Variants in ARL8B observed in about 807,000 individuals in gnomAD.
ARL8B encodes ADP-ribosylation factor-like protein 8B.
A neutral mutation model predicts 30.6 loss-of-function variants in ARL8B; 9 were observed. That is an observed-to-expected ratio of 0.29 (90% CI 0.18 to 0.51). The LOEUF is 0.51. Ranked by LOEUF, ARL8B falls within the 20% of genes least tolerant of loss-of-function variation. ARL8B has a pLI of 0.97. For missense variants in ARL8B, 130 were observed against 227.2 expected, an observed-to-expected ratio of 0.57 and a Z score of 2.75; for synonymous variants, 74 against 76.0, an observed-to-expected ratio of 0.97 and a Z score of 0.14.
At chr3:5,146,256 A>G (rs749846609) in intron 1 of ARL8B, among the ~76,000 whole-genome samples, 13 of 152,172 alleles carry the variant, frequency 8.5e-5, no homozygotes, top group Non-Finnish European at 1.8e-4. Context: ...TGAACCACTT[A>G]TGTTCATAGG....
intron 1 of ARL8B, among the ~76,000 whole-genome samples, chr3:5,163,559 A>T (rs575060591): frequency 6.6e-6 from 1 of 152,200 alleles, no homozygotes; most frequent in African/African-American, 2.4e-5. Flanking sequence ...GATTATGAAC[A>T]TATTTTCTAG....
At chr3:5,167,358 A>C (rs79259954) in intron 1 of ARL8B, among the ~76,000 whole-genome samples, 2,141 of 152,286 alleles carry the variant, frequency 0.014, 54 homozygotes, top group African/African-American at 0.049. Flanking sequence ...CAACCTCTGA[A>C]ATAATAATGA....
chr3:5,130,980 T>G (rs1196034904), intron 1 of ARL8B, among the ~76,000 whole-genome samples: 1 of 152,006 alleles, frequency 6.6e-6, no homozygotes, highest in Non-Finnish European at 1.5e-5. Context: ...CACTCTGTCA[T>G]CCATGCTGGG....
intron 1 of ARL8B, among the ~76,000 whole-genome samples, chr3:5,132,187 A>G (rs956935586): frequency 6.6e-6 from 1 of 152,066 alleles, no homozygotes; most frequent in Admixed American, 6.5e-5. Flanking sequence ...ACTGTGCCTA[A>G]GTCCTCCCAT....
At chr3:5,153,316 GC>G (rs1467524566) in intron 1 of ARL8B, among the ~76,000 whole-genome samples, 2 of 152,132 alleles carry the variant, frequency 1.3e-5, no homozygotes, top group Non-Finnish European at 2.9e-5. Context: ...AAATTATGGG[GC>G]AGATCTTTCC....
intron 1 of ARL8B, among the ~76,000 whole-genome samples, chr3:5,140,453 C>CT (rs2054363409): frequency 6.6e-6 from 1 of 152,110 alleles, no homozygotes; most frequent in African/African-American, 2.4e-5. Context: ...GAGGCCTCCC[C>CT]AGCCATGTGG....
chr3:5,139,351 A>AGTC (rs2054352995), intron 1 of ARL8B, among the ~76,000 whole-genome samples: 1 of 152,182 alleles, frequency 6.6e-6, no homozygotes, highest in Non-Finnish European at 1.5e-5. Flanking sequence ...CTTTAAAGAT[A>AGTC]GTCTTTAATG....
At chr3:5,127,872 CAAA>C (rs748657502) in intron 1 of ARL8B, among the ~76,000 whole-genome samples, 197 of 10,432 alleles carry the variant, frequency 0.019, no homozygotes, top group Non-Finnish European at 0.026. Flanking sequence ...GACTCCGTCT[CAAA>C]AAAAAAAAAA....
chr3:5,143,523 T>C (rs1441356476), intron 1 of ARL8B, among the ~76,000 whole-genome samples: 2 of 152,228 alleles, frequency 1.3e-5, no homozygotes, highest in Admixed American at 6.5e-5. Flanking sequence ...AGGTGATCCA[T>C]GCACTTTCCA....
chr3:5,176,625 T>C (rs556868520), intron 6 of ARL8B, among the ~76,000 whole-genome samples: 2 of 152,362 alleles, frequency 1.3e-5, no homozygotes, highest in Admixed American at 6.5e-5. Context: ...TCAGCCTTAG[T>C]AACAGCGGAT....
In ARL8B at chr3:5,155,285, ATTAT is replaced by A. The variant is rs1027277306; in HGVS notation, c.124-15213_124-15210del. The stretch of plus-strand genomic sequence containing the variant: ...TCTGATAAATCTGCTGCTACTATTG[ATTAT>A]TTATATTTGATGAGTTGCCTCTTGC... On this transcript the variant is annotated intron_variant, in intron 1 of 6. Coordinates refer to ENST00000256496, the MANE Select transcript of ARL8B (RefSeq NM_018184.3). Among the ~76,000 whole-genome samples the A allele has an allele frequency of 6.2e-4, 94 of 152,172 alleles. 1 individual carries two copies. The Middle Eastern group carries it at 0.01, about 17-fold the overall frequency.
chr3:5,177,459 C>CT lies in ARL8B; in HGVS notation c.512-1190dup, dbSNP rs781220638. ...CTTTGTGTAATTTTTTAGTGAATTT[C>CT]TTTTTTTTTTTTTTTGAGATGGAGT... On this transcript the variant is annotated intron_variant, in intron 6 of 6. Coordinates refer to ENST00000256496, the MANE Select transcript of ARL8B (RefSeq NM_018184.3). 8.0e-3 allele frequency among the ~76,000 whole-genome samples: 1,111 copies of CT among 139,226 alleles called. 14 individuals carry two copies. Among genetic ancestry groups the CT allele is most frequent in the East Asian group, 0.048 (231 of 4,788 alleles). The allele number at this position is 139,226 out of a possible 152,430, so 91.3% of individuals were successfully genotyped here.
chr3:5,171,945 A>T (rs529646540), intron 2 of ARL8B, among the ~76,000 whole-genome samples: 162 of 152,390 alleles, frequency 1.1e-3, no homozygotes, highest in Admixed American at 2.9e-3. Flanking sequence ...TTGTAAATGT[A>T]TTAAATACGG....
chr3:5,149,057 A>C (rs1025900056), intron 1 of ARL8B, among the ~76,000 whole-genome samples: 1 of 152,214 alleles, frequency 6.6e-6, no homozygotes, highest in Non-Finnish European at 1.5e-5. Context: ...TTTGCGTCGC[A>C]GGAGAACGGA....
At chr3:5,147,871 A>T (rs2054442705) in intron 1 of ARL8B, among the ~76,000 whole-genome samples, 2 of 148,720 alleles carry the variant, frequency 1.3e-5, no homozygotes, top group Non-Finnish European at 3.0e-5. Flanking sequence ...TGCGGAGGGA[A>T]TTTTCTCTTT....
At position 5,170,220 on chromosome 3, in the gene ARL8B, G is replaced by A. The variant is rs146390428; in HGVS notation, c.124-283G>A. Among the ~76,000 whole-genome samples, 269 of 152,108 alleles carry A rather than the reference G, an allele frequency of 1.8e-3. 1 individual carries two copies. The highest frequency in any genetic ancestry group is 4.4e-3 in the African/African-American group (182 of 41,504). On this transcript the variant is annotated intron_variant, in intron 1 of 6. Transcript: ENST00000256496. Reference sequence around the variant, plus strand: ...TAGGTGAACACATTTAAAAATTTTCGTATGTATTTGTCATATAAAATTCTT... The same window carrying A: ...TAGGTGAACACATTTAAAAATTTTCATATGTATTTGTCATATAAAATTCTT...
Position 5,135,302 on chromosome 3 carries a change from T to TA in ARL8B, c.123+12714_123+12715insA, listed in dbSNP as rs141439451. ...CATCTGATCTTTTTATTTATTTATT[T>TA]TTTTTTGAGACAGTCTCATTCTGTT... On this transcript the variant is annotated intron_variant, in intron 1 of 6. Coordinates refer to ENST00000256496, the MANE Select transcript of ARL8B (RefSeq NM_018184.3). Among the ~76,000 whole-genome samples the TA allele has an allele frequency of 6.1e-3, 924 of 150,838 alleles. 15 individuals are homozygous for TA. The highest frequency in any genetic ancestry group is 0.018 in the African/African-American group (746 of 40,700).
chr3:5,180,522 A>G lies in ARL8B; in HGVS notation c.*1809A>G, dbSNP rs972686652. ...ACTGCATAGGTTTGTTAATTGACCT[A>G]TAGCTAAACCTTAATGTGTTTGTGT... On this transcript the variant is annotated 3_prime_UTR_variant, in exon 7 of 7. Coordinates refer to ENST00000256496, the MANE Select transcript of ARL8B (RefSeq NM_018184.3). 1.3e-5 allele frequency: 2 copies of G among 152,690 alleles called. No individual in the cohort carries two copies. Among genetic ancestry groups the G allele is most frequent in the African/African-American group, 4.8e-5 (2 of 41,478 alleles). The allele number at this position is 152,690 out of a possible 1,614,324, so 9.5% of individuals were successfully genotyped here.
intron 1 of ARL8B, among the ~76,000 whole-genome samples, chr3:5,142,973 C>T (rs1007189925): frequency 3.3e-5 from 5 of 152,216 alleles, no homozygotes; most frequent in South Asian, 2.1e-4. Flanking sequence ...TTACCCACCC[C>T]GTGTTTACTG....
Sources: gnomAD v4.1 joint callset for allele counts (sites outside exome capture counted in the v4.1 genomes callset) on GRCh38, gnomAD v4.1.1 for gene constraint, MANE v1.5 for transcripts, NCBI Gene and HGNC (gene_info 2026-07-23, HGNC 2026-07-21) for gene names.